Variants in CAMK2D observed in about 807,000 individuals in gnomAD.
The protein encoded by CAMK2D is calcium/calmodulin dependent protein kinase II delta.
CAMK2D carries 37 observed loss-of-function variants against 84.0 expected under a neutral mutation model. The observed-to-expected ratio is 0.44, with a 90% CI of 0.34 to 0.58. The LOEUF (loss-of-function observed/expected upper bound fraction) is 0.58. Among genes scored for constraint, CAMK2D ranks in the 20% least tolerant of loss-of-function variants. The pLI, the probability that CAMK2D is intolerant of heterozygous loss-of-function variation, is 0.02. For missense variants in CAMK2D, 448 were observed against 652.5 expected (o/e 0.69, Z 3.41); for synonymous variants, 202 against 212.5 (o/e 0.95, Z 0.43).
At chr4:113,580,574 G>A (rs1488153069) in intron 4 of CAMK2D, among the ~76,000 whole-genome samples, 1 of 152,106 alleles carries the variant, frequency 6.6e-6, no homozygotes, top group Non-Finnish European at 1.5e-5. Context: ...CATACTTCTT[G>A]TTGCATATAC....
intron 16 of CAMK2D, among the ~76,000 whole-genome samples, chr4:113,467,402 T>C (rs976225949): frequency 2.0e-5 from 3 of 152,210 alleles, no homozygotes; most frequent in Non-Finnish European, 4.4e-5. Context: ...ATAAATTTTC[T>C]ATAAACCACA....
intron 2 of CAMK2D, among the ~76,000 whole-genome samples, chr4:113,676,126 T>C (rs1474066106): frequency 6.6e-6 from 1 of 152,204 alleles, no homozygotes; most frequent in Non-Finnish European, 1.5e-5. Flanking sequence ...TTCAACCCAC[T>C]TTATGTATTA....
intron 4 of CAMK2D, among the ~76,000 whole-genome samples, chr4:113,561,908 C>T (rs768338972): frequency 3.3e-5 from 5 of 152,146 alleles, no homozygotes; most frequent in Admixed American, 6.5e-5. Flanking sequence ...CAACAGATTT[C>T]TTATTTTTTA....
intron 15 of CAMK2D, among the ~76,000 whole-genome samples, chr4:113,502,547 T>C (rs2098067109): frequency 1.3e-5 from 2 of 148,486 alleles, no homozygotes; most frequent in African/African-American, 4.9e-5. Context: ...TAAAGTCAAG[T>C]TGATATTTTT....
intron 3 of CAMK2D, among the ~76,000 whole-genome samples, chr4:113,645,852 T>A (rs966525432): frequency 6.6e-6 from 1 of 152,168 alleles, no homozygotes; most frequent in Non-Finnish European, 1.5e-5. Context: ...CCCCTCACAC[T>A]CCTGACAAAG....
intron 2 of CAMK2D, among the ~76,000 whole-genome samples, chr4:113,680,262 A>T (rs1047583859): frequency 6.6e-6 from 1 of 152,214 alleles, no homozygotes; most frequent in Non-Finnish European, 1.5e-5. Flanking sequence ...GAGAAGGAAG[A>T]AAGATCAGGA....
At chr4:113,485,899 C>A (rs1311369555) in intron 16 of CAMK2D, among the ~76,000 whole-genome samples, 2 of 152,142 alleles carry the variant, frequency 1.3e-5, no homozygotes, top group African/African-American at 4.8e-5. Flanking sequence ...TGCTTTGTTT[C>A]TGTGCCTTCT....
chr4:113,455,776 G>C lies in CAMK2D; in HGVS notation c.1581C>G (p.Thr527=). 1 of 1,612,478 alleles carries C rather than the reference G, an allele frequency of 6.2e-7. No homozygotes were observed. Among genetic ancestry groups the C allele is most frequent in the Admixed American group, 1.7e-5 (1 of 59,962 alleles). ...PNGKENFSGG[T]SLWQNI The stretch of plus-strand genomic sequence containing the variant: ...GGCCTTAGATGTTTTGCCACAAAGA[G>C]GTGCCTCCTGAGAAGTTTTCTTTCC... The change falls in exon 20 of 21, where the codon ACC becomes ACG. Residue 527 remains threonine, a synonymous_variant. Coordinates refer to ENST00000511664, the MANE Select transcript of CAMK2D (RefSeq NM_001321571.2).
At chr4:113,701,953 G>A (rs980717338) in intron 2 of CAMK2D, among the ~76,000 whole-genome samples, 5 of 152,014 alleles carry the variant, frequency 3.3e-5, no homozygotes, top group South Asian at 2.1e-4. Context: ...TGCCTTCCTC[G>A]GTCTCCCAAA....
chr4:113,670,818 C>T (rs1234741296), intron 2 of CAMK2D, among the ~76,000 whole-genome samples: 1 of 151,106 alleles, frequency 6.6e-6, no homozygotes, highest in Non-Finnish European at 1.5e-5. Flanking sequence ...GTCCTGGCTA[C>T]TCGGGAGGCT....
intron 15 of CAMK2D, among the ~76,000 whole-genome samples, chr4:113,500,896 T>C (rs1301197276): frequency 1.3e-5 from 2 of 150,970 alleles, no homozygotes; most frequent in Non-Finnish European, 2.9e-5. Context: ...ATACTTAAAA[T>C]AGAAAAAATT....
intron 3 of CAMK2D, among the ~76,000 whole-genome samples, chr4:113,640,808 A>G (rs1266177441): frequency 6.6e-6 from 1 of 152,222 alleles, no homozygotes; most frequent in Non-Finnish European, 1.5e-5. Context: ...AATTACTTAC[A>G]TAGCTAATTG....
rs190131699 is a variant in CAMK2D, at chr4:113,620,824, T to A, written c.221-11618A>T. Among the ~76,000 whole-genome samples, 230 of 152,298 alleles carry A rather than the reference T, an allele frequency of 1.5e-3. 1 individual carries two copies. Among genetic ancestry groups the A allele is most frequent in the African/African-American group, 5.3e-3 (220 of 41,576 alleles). ...CACTTCTATGAGCGATATTTTTAAG[T>A]AAATTATATTTTTAAGAACCAAATT... On this transcript the variant is annotated intron_variant, in intron 3 of 20. Transcript: ENST00000511664.
At chr4:113,639,023 A>G (rs1380321238) in intron 3 of CAMK2D, among the ~76,000 whole-genome samples, 1 of 151,302 alleles carries the variant, frequency 6.6e-6, no homozygotes, top group African/African-American at 2.4e-5. Flanking sequence ...TGGGAAGATC[A>G]CCTGAGGCCT....
intron 8 of CAMK2D, among the ~76,000 whole-genome samples, chr4:113,526,264 C>A (rs2154178487): frequency 6.6e-6 from 1 of 152,236 alleles, no homozygotes; most frequent in Middle Eastern, 3.4e-3. Context: ...CATGCTCCAA[C>A]TGGGGCAAGG....
intron 2 of CAMK2D, among the ~76,000 whole-genome samples, chr4:113,683,686 C>T (rs1334986067): frequency 6.6e-6 from 1 of 152,200 alleles, no homozygotes; most frequent in Admixed American, 6.5e-5. Flanking sequence ...AGTCAGAAAA[C>T]TATCTGGAAG....
At chr4:113,739,198 T>G (rs1481089804) in intron 2 of CAMK2D, among the ~76,000 whole-genome samples, 5 of 152,206 alleles carry the variant, frequency 3.3e-5, no homozygotes, top group African/African-American at 7.2e-5. Context: ...AGGCTTTCAA[T>G]GAATCCTAAA....
At chr4:113,690,532 GTATT>G (rs1339037902) in intron 2 of CAMK2D, among the ~76,000 whole-genome samples, 2 of 152,188 alleles carry the variant, frequency 1.3e-5, no homozygotes, top group East Asian at 3.9e-4. Flanking sequence ...TGAGGCAACA[GTATT>G]TAATTATACA....
chr4:113,469,606 C>T (rs566105135), intron 16 of CAMK2D, among the ~76,000 whole-genome samples: 1 of 152,286 alleles, frequency 6.6e-6, no homozygotes, highest in African/African-American at 2.4e-5. Flanking sequence ...TCCTTCAGAT[C>T]TATGTGTCAA....
Sources: gnomAD v4.1 joint callset for allele counts (sites outside exome capture counted in the v4.1 genomes callset) on GRCh38, gnomAD v4.1.1 for gene constraint, MANE v1.5 for transcripts, NCBI Gene and HGNC (gene_info 2026-07-23, HGNC 2026-07-21) for gene names.